The following PPP2R5C variants were observed in gnomAD, a reference collection of about 807,000 sequenced individuals.
PPP2R5C encodes serine/threonine-protein phosphatase 2A 56 kDa regulatory subunit gamma isoform.
In PPP2R5C, 7 loss-of-function variants were observed where a neutral mutation model predicts 68.9. The ratio of observed to expected loss-of-function variants is 0.10; its 90% CI spans 0.06 to 0.19. The LOEUF (loss-of-function observed/expected upper bound fraction) is 0.19, where lower values mean the gene tolerates loss of function less well. Among genes scored for constraint, PPP2R5C ranks in the 10% least tolerant of loss-of-function variants. The pLI is 1.00. For synonymous variants in PPP2R5C, 210 were observed against 222.2 expected, an observed-to-expected ratio of 0.95 and a Z score of 0.49; for missense variants, 348 against 641.3, an observed-to-expected ratio of 0.54 and a Z score of 4.94.
At chr14:101,897,622 C>T (rs931500512) in intron 8 of PPP2R5C, among the ~76,000 whole-genome samples, 2 of 151,896 alleles carry the variant, frequency 1.3e-5, no homozygotes, top group African/African-American at 4.8e-5. Flanking sequence ...TATATTCTGG[C>T]CTCTCTGGCA....
intron 3 of PPP2R5C, among the ~76,000 whole-genome samples, chr14:101,790,148 T>C (rs1238661837): frequency 6.6e-6 from 1 of 152,150 alleles, no homozygotes; most frequent in Non-Finnish European, 1.5e-5. Context: ...TAGTTTGCTT[T>C]TTAATAATAA....
chr14:101,798,466 A>G (rs1408399700), intron 3 of PPP2R5C, among the ~76,000 whole-genome samples: 1 of 152,254 alleles, frequency 6.6e-6, no homozygotes, highest in Non-Finnish European at 1.5e-5. Context: ...ATCAAAGAAT[A>G]AAGAATAATT....
chr14:101,918,833 G>C (rs1302967855), intron 13 of PPP2R5C, among the ~76,000 whole-genome samples: 1 of 149,660 alleles, frequency 6.7e-6, no homozygotes, highest in East Asian at 2.0e-4. Flanking sequence ...GTCCCTCCCT[G>C]TTTCAAATGC....
chr14:101,920,011 A>G (rs1324463448), intron 13 of PPP2R5C, among the ~76,000 whole-genome samples: 4 of 150,352 alleles, frequency 2.7e-5, no homozygotes, highest in Non-Finnish European at 4.4e-5. Context: ...TACACATTAA[A>G]TAGCTTAGGG....
chr14:101,781,611 T>C lies in PPP2R5C; in HGVS notation c.94-4407T>C, dbSNP rs1014450098. 1.1e-4 allele frequency among the ~76,000 whole-genome samples: 17 copies of C among 152,078 alleles called. No individual in the cohort carries two copies. Among genetic ancestry groups the C allele is most frequent in the African/African-American group, 3.9e-4 (16 of 41,508 alleles). ...TGTCCCGGCCTTCCAAGGAGACCCT[T>C]AGCTCCCGCCGGCCGCCTCCGGAGC... On this transcript the variant is annotated intron_variant, in intron 2 of 14. Transcript: ENST00000328724. This position sits in a 1 kb window ranked among gnomAD's most constrained non-coding sequence, Gnocchi z 6.4.
At chr14:101,908,681 AT>A (rs200955650) in intron 10 of PPP2R5C, among the ~76,000 whole-genome samples, 1,899 of 144,628 alleles carry the variant, frequency 0.013, 19 homozygotes, top group African/African-American at 0.036. Flanking sequence ...GCTTGCATTG[AT>A]TTTTTTTTTT....
chr14:101,858,355 T>C (rs1241513801), intron 2 of PPP2R5C, among the ~76,000 whole-genome samples: 1 of 152,150 alleles, frequency 6.6e-6, no homozygotes, highest in East Asian at 1.9e-4. Context: ...GGATATGTAA[T>C]AGTTGTACAT....
chr14:101,848,255 G>A (rs1406597245), intron 1 of PPP2R5C, among the ~76,000 whole-genome samples: 2 of 151,998 alleles, frequency 1.3e-5, no homozygotes, highest in African/African-American at 4.8e-5. Context: ...TTGGGGGGCC[G>A]GGCGTGGTGG....
Position 101,798,154 on chromosome 14 carries a change from A to T in PPP2R5C, c.259+11971A>T, listed in dbSNP as rs545669887. On this transcript the variant is annotated intron_variant, in intron 3 of 14. Coordinates refer to the PPP2R5C transcript ENST00000328724. ...TCCGTGCTCATATAGTTTCCAGTTT[A>T]AAAAAAAAAAAAAGTGCTGGCCAGC... Among the ~76,000 whole-genome samples, 8 of 139,364 alleles carry T rather than the reference A, an allele frequency of 5.7e-5. No individual in the cohort carries two copies. The East Asian group carries it at 8.0e-4, about 14-fold the overall frequency. 91.4% of individuals were successfully genotyped at this position (139,364 alleles called of 152,430 possible).
chr14:101,853,385 C>G (rs908806370), intron 1 of PPP2R5C, among the ~76,000 whole-genome samples: 1 of 152,152 alleles, frequency 6.6e-6, no homozygotes, highest in Admixed American at 6.5e-5. Flanking sequence ...CAGAAACACC[C>G]TGTCTGGAAG....
intron 8 of PPP2R5C, among the ~76,000 whole-genome samples, chr14:101,895,878 C>A (rs1038197471): frequency 6.6e-6 from 1 of 152,074 alleles, no homozygotes; most frequent in East Asian, 1.9e-4. Flanking sequence ...TGTTTAGCTG[C>A]GGGACAGACC....
chr14:101,770,238 T>C (rs995550518), intron 2 of PPP2R5C, among the ~76,000 whole-genome samples: 2 of 152,234 alleles, frequency 1.3e-5, no homozygotes, highest in South Asian at 4.1e-4. Context: ...AGAGCATAGC[T>C]ACATATATAT....
upstream of PPP2R5C, chr14:101,809,738 G>C (rs1299538363): frequency 2.6e-6 from 3 of 1,139,622 alleles, no homozygotes; most frequent in African/African-American, 4.8e-5. Flanking sequence ...CAGCCAAACA[G>C]AACGCTCTTT....
At chr14:101,772,918 C>T (rs1253195020) in intron 2 of PPP2R5C, among the ~76,000 whole-genome samples, 1 of 152,228 alleles carries the variant, frequency 6.6e-6, no homozygotes, top group African/African-American at 2.4e-5. Context: ...TGAATGGGGC[C>T]ACTGTCCAGA....
intron 1 of PPP2R5C, among the ~76,000 whole-genome samples, chr14:101,813,239 GCA>G (rs1298074482): frequency 6.6e-6 from 1 of 152,250 alleles, no homozygotes; most frequent in Non-Finnish European, 1.5e-5. Flanking sequence ...ATATTGGACA[GCA>G]CAGTCGTAGA....
chr14:101,846,940 G>T (rs978655117), intron 1 of PPP2R5C, among the ~76,000 whole-genome samples: 4 of 152,216 alleles, frequency 2.6e-5, no homozygotes, highest in African/African-American at 7.2e-5. Context: ...ACCTCTGACT[G>T]CAGAGATTCC....
chr14:101,914,190 G>A (rs2046535614), intron 12 of PPP2R5C: 1 of 456,070 alleles, frequency 2.2e-6, no homozygotes, highest in South Asian at 1.5e-5. Flanking sequence ...CCGTGGTTCT[G>A]CATAGGAGCT....
chr14:101,762,414 G>A (rs1279934850), intron 1 of PPP2R5C, among the ~76,000 whole-genome samples: 1 of 152,100 alleles, frequency 6.6e-6, no homozygotes, highest in African/African-American at 2.4e-5. Context: ...ATTCTCTGCC[G>A]CCCCGGAGGG....
At chr14:101,761,678 C>CGCCGCCGCT (rs1195709114), upstream of PPP2R5C, 33 of 215,718 alleles carry the variant, frequency 1.5e-4, no homozygotes, top group African/African-American at 2.3e-4. Context: ...GGCGGAGAGA[C>CGCCGCCGCT]GCCGCCGCTG....
Sources: gnomAD v4.1 joint callset for allele counts (sites outside exome capture counted in the v4.1 genomes callset) on GRCh38, gnomAD v4.1.1 for gene constraint, Gnocchi (gnomAD v3.1) non-coding constraint, MANE v1.5 for transcripts, NCBI Gene and HGNC (gene_info 2026-07-23, HGNC 2026-07-21) for gene names.